Variants in GPC5 observed in about 807,000 individuals in gnomAD.
GPC5 encodes the protein glypican 5, also known as glypican-5.
A neutral mutation model predicts 53.9 loss-of-function variants in GPC5; 47 were observed. The observed-to-expected ratio is 0.87, with a 90% CI of 0.69 to 1.11. The LOEUF (loss-of-function observed/expected upper bound fraction) is 1.11, where lower values mean the gene tolerates loss of function less well. Ranked by LOEUF, GPC5 falls within the 50% of genes most tolerant of loss-of-function variation. GPC5 has a pLI of 0.00. For missense variants in GPC5, 748 were observed against 713.1 expected, an observed-to-expected ratio of 1.05 and a Z score of -0.56; for synonymous variants, 286 against 263.3, an observed-to-expected ratio of 1.09 and a Z score of -0.84.
At chr13:92,202,861 T>C (rs117963013) in intron 7 of GPC5, among the ~76,000 whole-genome samples, 1,847 of 152,284 alleles carry the variant, frequency 0.012, 21 homozygotes, top group Non-Finnish European at 0.018. Flanking sequence ...TCTCCTAGGA[T>C]AGCATTCTTC....
chr13:92,758,145 T>G (rs1425161390), intron 7 of GPC5, among the ~76,000 whole-genome samples: 1 of 148,636 alleles, frequency 6.7e-6, no homozygotes, highest in African/African-American at 2.5e-5. Flanking sequence ...TGGAATACTA[T>G]GCAGCCATAA....
chr13:92,756,325 A>G (rs1405908960), intron 7 of GPC5, among the ~76,000 whole-genome samples: 4 of 151,688 alleles, frequency 2.6e-5, no homozygotes, highest in African/African-American at 7.3e-5. Context: ...TTGATGGGAC[A>G]TATTTAAAAA....
intron 5 of GPC5, among the ~76,000 whole-genome samples, chr13:91,864,561 T>A (rs1293362293): frequency 2.6e-5 from 4 of 152,180 alleles, no homozygotes; most frequent in African/African-American, 9.6e-5. Flanking sequence ...AGTAATACAG[T>A]TATCTTTAGA....
intron 6 of GPC5, among the ~76,000 whole-genome samples, chr13:92,066,125 T>G (rs113269368): frequency 7.9e-5 from 12 of 152,224 alleles, no homozygotes; most frequent in African/African-American, 2.4e-4. Flanking sequence ...GGAAAAATGT[T>G]GGTTAGGTAA....
At chr13:91,788,050 T>C (rs1315495623) in intron 5 of GPC5, among the ~76,000 whole-genome samples, 4 of 152,226 alleles carry the variant, frequency 2.6e-5, no homozygotes, top group Non-Finnish European at 5.9e-5. Flanking sequence ...TTCAATTCTT[T>C]CCAATAAAAA....
At chr13:92,759,309 T>C (rs957967462) in intron 7 of GPC5, among the ~76,000 whole-genome samples, 7 of 152,032 alleles carry the variant, frequency 4.6e-5, no homozygotes, top group African/African-American at 1.4e-4. Context: ...AAGCATGGCA[T>C]TGGATCTATA....
chr13:91,952,187 C>CTA (rs1213909626), intron 6 of GPC5, among the ~76,000 whole-genome samples: 2 of 97,326 alleles, frequency 2.1e-5, no homozygotes, highest in African/African-American at 8.0e-5. Flanking sequence ...CTCTCTCTCT[C>CTA]TCTGTGTGTG....
intron 5 of GPC5, among the ~76,000 whole-genome samples, chr13:91,902,737 CA>C (rs1037589572): frequency 6.6e-6 from 1 of 151,884 alleles, no homozygotes; most frequent in South Asian, 2.1e-4. Context: ...TTATTGGTTA[CA>C]AAAAAATTTA....
chr13:91,875,175 T>C (rs1455333525), intron 5 of GPC5, among the ~76,000 whole-genome samples: 2 of 152,206 alleles, frequency 1.3e-5, no homozygotes, highest in African/African-American at 4.8e-5. Context: ...ATGTCCTTTA[T>C]TGGATGCCCT....
intron 2 of GPC5, among the ~76,000 whole-genome samples, chr13:91,569,768 G>C (rs1201566265): frequency 2.0e-5 from 3 of 152,058 alleles, no homozygotes; most frequent in African/African-American, 7.2e-5. Context: ...TGGCTAAAGG[G>C]AGCTAGCTTA....
chr13:92,514,102 G>C (rs981336320), intron 7 of GPC5, among the ~76,000 whole-genome samples: 2 of 151,696 alleles, frequency 1.3e-5, no homozygotes, highest in Non-Finnish European at 2.9e-5. Flanking sequence ...AACAAGAAGG[G>C]GTATGATTTT....
intron 6 of GPC5, among the ~76,000 whole-genome samples, chr13:92,089,043 T>A (rs913365197): frequency 6.6e-6 from 1 of 152,176 alleles, no homozygotes; most frequent in Non-Finnish European, 1.5e-5. Flanking sequence ...CATTAACATT[T>A]ATAGAGGAAT....
chr13:92,395,103 T>G (rs1424466317), intron 7 of GPC5, among the ~76,000 whole-genome samples: 1 of 152,158 alleles, frequency 6.6e-6, no homozygotes, highest in Non-Finnish European at 1.5e-5. Context: ...ATTAAACCAT[T>G]AGTACTTAAA....
At chr13:92,320,944 C>T (rs763495615) in intron 7 of GPC5, among the ~76,000 whole-genome samples, 1 of 151,936 alleles carries the variant, frequency 6.6e-6, no homozygotes, top group Non-Finnish European at 1.5e-5. Context: ...GCAATAAATC[C>T]CTGGTATTTT....
intron 7 of GPC5, among the ~76,000 whole-genome samples, chr13:92,507,439 AT>A: frequency 6.6e-6 from 1 of 152,214 alleles, no homozygotes; most frequent in Non-Finnish European, 1.5e-5. Flanking sequence ...TCTATAAAAT[AT>A]TCTCTACAAA....
chr13:92,739,786 C>T (rs1889037887), intron 7 of GPC5, among the ~76,000 whole-genome samples: 1 of 151,392 alleles, frequency 6.6e-6, no homozygotes. Context: ...AAGAATAGTC[C>T]CTTGATCCAA....
chr13:91,665,681 T>A (rs553688383), intron 2 of GPC5, among the ~76,000 whole-genome samples: 4 of 152,090 alleles, frequency 2.6e-5, no homozygotes, highest in Non-Finnish European at 5.9e-5. Context: ...TTTTTGTATT[T>A]TTTTTAGTAG....
intron 7 of GPC5, among the ~76,000 whole-genome samples, chr13:92,667,607 C>T (rs895678892): frequency 2.6e-5 from 4 of 152,126 alleles, no homozygotes; most frequent in South Asian, 4.2e-4. Flanking sequence ...GAGAGAGCTG[C>T]GAGAAGTGTA....
At chr13:91,777,477 A>G (rs1289071015) in intron 5 of GPC5, among the ~76,000 whole-genome samples, 2 of 152,214 alleles carry the variant, frequency 1.3e-5, no homozygotes, top group East Asian at 3.8e-4. Flanking sequence ...AATCCATGCT[A>G]TGTGGAAACG....
Sources: allele counts gnomAD v4.1 joint callset (sites outside exome capture counted in the v4.1 genomes callset), GRCh38; gene constraint gnomAD v4.1.1; transcripts MANE v1.5; gene names NCBI Gene and HGNC (gene_info 2026-07-23, HGNC 2026-07-21).